The following CASR variants were observed in gnomAD, a reference collection of about 807,000 sequenced individuals.
CASR encodes extracellular calcium-sensing receptor.
CASR carries 23 observed loss-of-function variants against 69.1 expected under a neutral mutation model. The ratio of observed to expected loss-of-function variants is 0.33; its 90% CI spans 0.24 to 0.47. The LOEUF (loss-of-function observed/expected upper bound fraction) is 0.47. Ranked by LOEUF, CASR falls within the 20% of genes least tolerant of loss-of-function variation. The probability of loss-of-function intolerance (pLI) is 1.00; values close to 1 mark genes in which losing one functional copy is unlikely to be tolerated. For synonymous variants in CASR, 541 were observed against 544.7 expected (o/e 0.99, Z 0.10); for missense variants, 924 against 1,356.1 (o/e 0.68, Z 5.00).
chr3:122,211,199 T>C (rs999839128), intron 1 of CASR, among the ~76,000 whole-genome samples: 2 of 150,754 alleles, frequency 1.3e-5, no homozygotes, highest in African/African-American at 4.8e-5. Context: ...ATGACAAAAA[T>C]GTCAAAAGCA....
chr3:122,257,127 AT>A lies in CASR; in HGVS notation c.233del (p.Ile78LysfsTer4). 1 of 1,614,164 alleles carries A rather than the reference AT, an allele frequency of 6.2e-7. No individual in the cohort carries two copies. Among genetic ancestry groups the A allele is most frequent in the Non-Finnish European group, 8.5e-7 (1 of 1,180,004 alleles). On this transcript the variant is annotated frameshift_variant, in exon 3 of 7. Coordinates refer to ENST00000639785, the MANE Select transcript of CASR (RefSeq NM_000388.4). LOFTEE classifies it high-confidence loss of function. ...CTGGTTACAGGCTATGATATTTGCCATAGAGGAGATAAACAGCAGCCCAGCC... is the reference window on the plus strand; with the variant it reads ...CTGGTTACAGGCTATGATATTTGCCAAGAGGAGATAAACAGCAGCCCAGCC... ...FRWLQAMIFA[I>X]EEINSSPALL...
At chr3:122,258,849 T>C (rs775176630) in intron 3 of CASR, among the ~76,000 whole-genome samples, 3 of 151,950 alleles carry the variant, frequency 2.0e-5, no homozygotes, top group Non-Finnish European at 4.4e-5. Context: ...CAAGGTTTAA[T>C]TGAGCTGAGA....
chr3:122,210,295 C>T (rs1368227057), intron 1 of CASR, among the ~76,000 whole-genome samples: 2 of 152,142 alleles, frequency 1.3e-5, no homozygotes, highest in Admixed American at 1.3e-4. Flanking sequence ...GGAAGTCAAA[C>T]TGTTTCTGTT....
intron 1 of CASR, among the ~76,000 whole-genome samples, chr3:122,225,825 G>C (rs1433779552): frequency 2.0e-5 from 3 of 152,190 alleles, no homozygotes; most frequent in Non-Finnish European, 4.4e-5. Flanking sequence ...AGTCAACCAA[G>C]ATGCCCATCA....
At chr3:122,187,185 C>A (rs1032601075) in intron 1 of CASR, among the ~76,000 whole-genome samples, 1 of 152,132 alleles carries the variant, frequency 6.6e-6, no homozygotes, top group African/African-American at 2.4e-5. Flanking sequence ...TAAATAGATT[C>A]TTTAGGTGAA....
intron 2 of CASR, among the ~76,000 whole-genome samples, chr3:122,254,863 G>T (rs150970854): frequency 1.3e-5 from 2 of 151,896 alleles, no homozygotes; most frequent in East Asian, 3.9e-4. Context: ...CATGACCCAG[G>T]CATCTTCAAA....
intron 3 of CASR, among the ~76,000 whole-genome samples, chr3:122,258,918 G>T (rs1178280337): frequency 6.6e-6 from 1 of 152,120 alleles, no homozygotes; most frequent in Non-Finnish European, 1.5e-5. Context: ...GTGCAGCTGG[G>T]CTGGGAACCA....
At chr3:122,247,352 G>A (rs1420108877) in intron 1 of CASR, 1 of 152,206 alleles carries the variant, frequency 6.6e-6, no homozygotes, top group Admixed American at 6.5e-5. Flanking sequence ...GCCACCCTGG[G>A]TAGTCAGGGT....
Position 122,288,990 on chromosome 3 carries a change from G to A in CASR, c.*3799G>A, listed in dbSNP as rs542010448. On this transcript the variant is annotated 3_prime_UTR_variant, in exon 7 of 7. Coordinates refer to ENST00000639785, the MANE Select transcript of CASR (RefSeq NM_000388.4). ...CTGAAAGTCCCTATGATCGTCACAC[G>A]TTGTCTAATTGCATTAATTTTGATT... The A allele has an allele frequency of 5.3e-5, 8 of 152,124 alleles. No individual in the cohort carries two copies. The highest frequency in any genetic ancestry group is 2.1e-4 in the South Asian group (1 of 4,822). 9.4% of individuals were successfully genotyped at this position (152,124 alleles called of 1,614,324 possible).
intron 1 of CASR, among the ~76,000 whole-genome samples, chr3:122,197,697 T>C (rs7617603): frequency 0.9 from 137,278 of 152,160 alleles, 62,614 homozygotes; most frequent in Admixed American, 0.93. Flanking sequence ...TGATTCATAT[T>C]GATCTCCTAA....
Position 122,284,102 on chromosome 3 carries a change from C to T in CASR, c.2148C>T (p.Arg716=), listed in dbSNP as rs2107650027. The T allele has an allele frequency of 6.2e-7, 1 of 1,614,124 alleles. No individual in the cohort carries two copies. Among genetic ancestry groups the T allele is most frequent in the Non-Finnish European group, 8.5e-7 (1 of 1,179,968 alleles). Residue 716 remains arginine, a synonymous_variant, in exon 7 of 7, where the codon CGC becomes CGT. Transcript: ENST00000639785. ...CCAAGATCCCCACCAGCTTCCACCG[C>T]AAGTGGTGGGGGCTCAACCTGCAGT... is the stretch of plus-strand genomic sequence containing the variant. The part of the protein sequence containing the change: ...FEAKIPTSFH[R]KWWGLNLQFL...
chr3:122,242,803 G>A (rs887702030), intron 1 of CASR, among the ~76,000 whole-genome samples: 7 of 152,012 alleles, frequency 4.6e-5, no homozygotes, highest in Admixed American at 2.0e-4. Context: ...CCAAAACAGC[G>A]TGGTACTGGA....
In CASR at chr3:122,217,810, G is replaced by GA. The variant is rs953491668; in HGVS notation, c.-243+34007dup. Among the ~76,000 whole-genome samples, 10 of 150,940 alleles carry GA rather than the reference G, an allele frequency of 6.6e-5. No individual in the cohort carries two copies. In the East Asian group the frequency reaches 9.7e-4, roughly 15 times the overall value. On this transcript the variant is annotated intron_variant, in intron 1 of 6. Transcript: ENST00000639785. ...CAGGTACTTAGCATAGCCTGCCACA[G>GA]AAAAAAAAATGTTCAATAAATGTTA...
At chr3:122,223,802 A>T (rs1350139989) in intron 1 of CASR, among the ~76,000 whole-genome samples, 1 of 152,116 alleles carries the variant, frequency 6.6e-6, no homozygotes, top group Non-Finnish European at 1.5e-5. Flanking sequence ...CAAAATACTA[A>T]CAAACCTAAT....
At chr3:122,267,245 A>T (rs948831476) in intron 4 of CASR, among the ~76,000 whole-genome samples, 5 of 152,248 alleles carry the variant, frequency 3.3e-5, no homozygotes, top group African/African-American at 1.2e-4. Flanking sequence ...GCCAAAAGAA[A>T]TATTAAAGAT....
intron 1 of CASR, among the ~76,000 whole-genome samples, chr3:122,227,258 CA>C (rs754862205): frequency 6.6e-6 from 1 of 152,054 alleles, no homozygotes; most frequent in Non-Finnish European, 1.5e-5. Flanking sequence ...CTCCATGGAG[CA>C]GGGGGTGGTG....
intron 6 of CASR, among the ~76,000 whole-genome samples, chr3:122,282,939 T>C (rs908217319): frequency 6.6e-6 from 1 of 152,198 alleles, no homozygotes; most frequent in Admixed American, 6.5e-5. Flanking sequence ...CATCCAGATC[T>C]CTAACTCCAA....
intron 1 of CASR, among the ~76,000 whole-genome samples, chr3:122,248,941 A>G (rs1428698785): frequency 6.6e-6 from 1 of 152,172 alleles, no homozygotes; most frequent in Non-Finnish European, 1.5e-5. Context: ...TTCAACAGAC[A>G]TTTTTAGAGC....
rs573074367 is a variant in CASR at position 122,274,992 on chromosome 3, A to G, written c.1378-820A>G. ...AGTAGAGTACAGCAATTAAGAGCGC[A>G]GGATTGTGACCCTGGACGAGATACT... On this transcript the variant is annotated intron_variant, in intron 4 of 6. Transcript: ENST00000639785. Among the ~76,000 whole-genome samples the G allele has an allele frequency of 3.3e-5, 5 of 152,332 alleles. No homozygotes were observed. The East Asian group carries it at 9.6e-4, about 29-fold the overall frequency.
Sources: allele counts gnomAD v4.1 joint callset (sites outside exome capture counted in the v4.1 genomes callset), GRCh38; gene constraint gnomAD v4.1.1; transcripts MANE v1.5; gene names NCBI Gene and HGNC (gene_info 2026-07-23, HGNC 2026-07-21).